Variants in SMG9 observed in about 807,000 individuals in gnomAD.
The protein encoded by SMG9 is nonsense-mediated mRNA decay factor SMG9.
A neutral mutation model predicts 64.0 loss-of-function variants in SMG9; 55 were observed. That is an observed-to-expected ratio of 0.86 (90% CI 0.69 to 1.08). The LOEUF is 1.08. Ranked by LOEUF, SMG9 falls within the 50% of genes least tolerant of loss-of-function variation. The pLI, the probability that SMG9 is intolerant of heterozygous loss-of-function variation, is 0.00. For synonymous variants in SMG9, 244 were observed against 254.8 expected, an observed-to-expected ratio of 0.96 and a Z score of 0.41; for missense variants, 554 against 681.3, an observed-to-expected ratio of 0.81 and a Z score of 2.08.
In SMG9 at chr19:43,733,156, G is replaced by T. The variant is rs1009429881; in HGVS notation, c.1340-154C>A. ...ACTCTGAAACACACTCCTAATAAAG[G>T]GTCCACACACCCCAGGAACAAACCA... is the stretch of plus-strand genomic sequence containing the variant. On this transcript the variant is annotated intron_variant, in intron 12 of 13. Coordinates refer to ENST00000270066, the MANE Select transcript of SMG9 (RefSeq NM_019108.4). 7.6e-6 allele frequency: 10 copies of T among 1,308,168 alleles called. No homozygotes were observed. In the East Asian group the frequency reaches 1.9e-4, roughly 24 times the overall value. 81.0% of individuals were successfully genotyped at this position (1,308,168 alleles called of 1,614,324 possible).
rs1195390336 is a variant in SMG9 at position 43,734,436 on chromosome 19, C to G, written c.1055G>C (p.Ser352Thr). 1 of 1,563,538 alleles carries G rather than the reference C, an allele frequency of 6.4e-7. No individual in the cohort carries two copies. Among genetic ancestry groups the G allele is most frequent in the African/African-American group, 1.4e-5 (1 of 73,812 alleles). ...GCCTTCATCGGAGCCCGATGAGCTG[C>G]TGGACTCGTGGCTGGGGGATGGGGT... ...PSTPSPSHES[S>T]SSSGSDEGTE... The change falls in exon 10 of 14, where the codon AGC becomes ACC. Residue 352 changes from serine to threonine, a missense_variant. By Grantham distance (58) the Ser-to-Thr change is moderately conservative. Coordinates refer to ENST00000270066, the MANE Select transcript of SMG9 (RefSeq NM_019108.4).
intron 8 of SMG9, 120 bp from the exon 9 acceptor site, chr19:43,737,802 G>T: frequency 1.1e-6 from 1 of 931,528 alleles, no homozygotes; most frequent in Non-Finnish European, 1.7e-6. Context: ...AGCAGCTACT[G>T]TGTGCCCAGC....
rs750775813 is a variant in SMG9, at chr19:43,732,960, C to T, written c.1382G>A (p.Arg461His). The T allele has an allele frequency of 8.7e-6, 14 of 1,613,470 alleles. No homozygotes were observed. The highest frequency in any genetic ancestry group is 3.3e-5 in the Admixed American group (2 of 59,900). Residue 461 changes from arginine (R) to histidine (H), a missense_variant, in exon 13 of 14, where the codon CGT (arginine) becomes CAT (histidine). Physicochemically the swap from Arg to His is conservative, Grantham distance 29 (BLOSUM62 0). Transcript: ENST00000270066. ...CAAGGACTGGAAACTGGGGTGGCCACGATACCCAGGCAGCAGGGAGAAGAG... is the reference window on the plus strand; with the variant it reads ...CAAGGACTGGAAACTGGGGTGGCCATGATACCCAGGCAGCAGGGAGAAGAG... Reference protein sequence around the residue: ...SPLFSLLPGYRGHPSFQSLVS... With the variant: ...SPLFSLLPGYHGHPSFQSLVS...
At chr19:43,740,314 G>C in intron 6 of SMG9, 96 bp from the exon 7 acceptor site, 2 of 900,834 alleles carry the variant, frequency 2.2e-6, no homozygotes, top group Non-Finnish European at 3.7e-6. Flanking sequence ...TGTGAGCCGT[G>C]GTGCCCTGCC....
Position 43,737,591 on chromosome 19 carries a change from C to T in SMG9, c.995+6G>A. On this transcript the variant is annotated splice_donor_region_variant and intron_variant, in intron 9 of 13. Coordinates refer to ENST00000270066, the MANE Select transcript of SMG9 (RefSeq NM_019108.4). ...CTCCCCACCCTCCAACCCCTCAGCT[C>T]CTCACCTGTAGAGACTGAGGTCTGT... 1 of 1,612,408 alleles carries T rather than the reference C, an allele frequency of 6.2e-7. No individual in the cohort carries two copies. Among genetic ancestry groups the T allele is most frequent in the Non-Finnish European group, 8.5e-7 (1 of 1,179,074 alleles).
At chr19:43,745,560 T>G (rs1461196055) in intron 5 of SMG9, among the ~76,000 whole-genome samples, 1 of 152,216 alleles carries the variant, frequency 6.6e-6, no homozygotes, top group East Asian at 1.9e-4. Flanking sequence ...TTGTTTTGTT[T>G]TGTTTTTTAA....
rs1217457411 is a variant in SMG9 at position 43,747,429 on chromosome 19, G to A, written c.588+13C>T. The A allele has an allele frequency of 1.2e-6, 2 of 1,611,142 alleles. No individual in the cohort carries two copies. Among genetic ancestry groups the A allele is most frequent in the African/African-American group, 1.3e-5 (1 of 75,036 alleles). The stretch of plus-strand genomic sequence containing the variant: ...ATGTGCGGAAGCTCAGGCAGGGCAG[G>A]ACCCCTCGGTACCTCGATGGCACTG... On this transcript the variant is annotated intron_variant, in intron 5 of 13. Transcript: ENST00000270066.
intron 10 of SMG9, chr19:43,734,163 A>C: frequency 3.5e-6 from 2 of 567,582 alleles, no homozygotes; most frequent in South Asian, 4.5e-5. Flanking sequence ...CCCATTCCAG[A>C]CACAGGCTCA....
intron 5 of SMG9, among the ~76,000 whole-genome samples, chr19:43,747,084 C>T (rs1031878573): frequency 1.3e-5 from 2 of 152,088 alleles, no homozygotes; most frequent in Non-Finnish European, 2.9e-5. Context: ...TCCCAAAGTG[C>T]TGGGATTACA....
chr19:43,743,881 A>G (rs772463167), intron 6 of SMG9, among the ~76,000 whole-genome samples: 12 of 152,204 alleles, frequency 7.9e-5, no homozygotes, highest in Non-Finnish European at 1.5e-4. Flanking sequence ...CCAGGGTAGT[A>G]TCACCTGCTT....
At chr19:43,739,923 G>T (rs1212787297) in intron 7 of SMG9, 184 bp downstream of exon 7, 6 of 602,838 alleles carry the variant, frequency 1.0e-5, no homozygotes, top group Non-Finnish European at 1.8e-5. Flanking sequence ...CGAATGAGAT[G>T]GGGGCAAAAG....
rs955243529 is a variant in SMG9 at position 43,754,717 on chromosome 19, G to A, written c.-70C>T. On this transcript the variant is annotated 5_prime_UTR_variant, in exon 1 of 14. Transcript: ENST00000270066. ...CGCTCTCCCGTGACGGGAGTCGGGT[G>A]GGGGCGGGGAGGCTGACCCAAGCCA... 6.6e-6 allele frequency: 1 copy of A among 152,196 alleles called. No individual in the cohort carries two copies. The highest frequency in any genetic ancestry group is 6.5e-5 in the Admixed American group (1 of 15,290). 9.4% of individuals were successfully genotyped at this position (152,196 alleles called of 1,614,324 possible). A position where few individuals can be genotyped will look rare whatever the true frequency, so the allele number is the denominator to read the frequency against.
intron 5 of SMG9, among the ~76,000 whole-genome samples, chr19:43,746,159 C>T (rs1403902583): frequency 2.6e-5 from 4 of 152,168 alleles, no homozygotes; most frequent in East Asian, 1.9e-4. Context: ...GGCAACAGAG[C>T]GAGACCGTCT....
chr19:43,733,558 C>T, intron 11 of SMG9, 68 bp downstream of exon 11: 3 of 1,607,678 alleles, frequency 1.9e-6, no homozygotes, highest in Non-Finnish European at 2.6e-6. Context: ...GGGGTAGAGA[C>T]TGACCCACGG....
chr19:43,733,698 A>C lies in SMG9; in HGVS notation c.1138T>G (p.Cys380Gly). The stretch of plus-strand genomic sequence containing the variant: ...TGCATCTGCCGCAGCTTCCGAGGAC[A>C]GAAGTCCTCTCGGCGAGCTTTGTTC... ...LQNKARREDF[C>G]PRKLRQMHLM... Residue 380 changes from cysteine (C) to glycine (G), a missense_variant, in exon 11 of 14, where the codon TGT (cysteine) becomes GGT (glycine). By Grantham distance (159) the Cys-to-Gly change is radical. Transcript: ENST00000270066. The C allele has an allele frequency of 6.2e-7, 1 of 1,614,196 alleles. No individual in the cohort carries two copies. Among genetic ancestry groups the C allele is most frequent in the East Asian group, 2.2e-5 (1 of 44,882 alleles).
rs577573171 is a variant in SMG9, at chr19:43,746,067, G to C, written c.589-1183C>G. ...GCACACTTGTGGTCCCAGCTACCTG[G>C]GAAGCTGAGGCTGGAGAACTGCTTG... is the stretch of plus-strand genomic sequence containing the variant. On this transcript the variant is annotated intron_variant, in intron 5 of 13. Transcript: ENST00000270066. 1.1e-4 allele frequency among the ~76,000 whole-genome samples: 16 copies of C among 152,202 alleles called. No individual in the cohort carries two copies. In the East Asian group the frequency reaches 3.1e-3, roughly 29 times the overall value.
intron 5 of SMG9, among the ~76,000 whole-genome samples, chr19:43,745,684 T>C (rs1968978031): frequency 6.6e-6 from 1 of 152,124 alleles, no homozygotes; most frequent in Non-Finnish European, 1.5e-5. Context: ...CTGGCCAACA[T>C]GGTGAAACTC....
chr19:43,741,617 C>T (rs1343372064), intron 6 of SMG9, among the ~76,000 whole-genome samples: 11 of 152,202 alleles, frequency 7.2e-5, no homozygotes, highest in Non-Finnish European at 1.6e-4. Context: ...GTGCCTCGCT[C>T]TGCCTCTCTG....
chr19:43,744,059 CCA>C (rs1968925671), intron 6 of SMG9, among the ~76,000 whole-genome samples: 3 of 152,202 alleles, frequency 2.0e-5, no homozygotes, highest in African/African-American at 7.2e-5. Context: ...TTCTCTGCCC[CCA>C]GTTTCGGGAC....
Sources: allele counts gnomAD v4.1 joint callset (sites outside exome capture counted in the v4.1 genomes callset), GRCh38; gene constraint gnomAD v4.1.1; transcripts MANE v1.5; gene names NCBI Gene and HGNC (gene_info 2026-07-23, HGNC 2026-07-21).